AFAP1: variants seen among roughly 807,000 people sequenced by gnomAD.
The protein encoded by AFAP1 is actin filament associated protein 1, also known as actin filament-associated protein 1.
AFAP1 carries 75 observed loss-of-function variants against 93.9 expected under a neutral mutation model. That is an observed-to-expected ratio of 0.80 (90% CI 0.66 to 0.97). The LOEUF (loss-of-function observed/expected upper bound fraction) is 0.97. Ranked by LOEUF, AFAP1 falls within the 50% of genes least tolerant of loss-of-function variation. The pLI is 0.00. For missense variants in AFAP1, 1,201 were observed against 1,050.8 expected (o/e 1.14, Z -1.98); for synonymous variants, 517 against 430.7 (o/e 1.20, Z -2.48).
At position 7,860,427 on chromosome 4, in the gene AFAP1, T is replaced by A. The variant is rs1002853177; in HGVS notation, c.226-4853A>T. 3.4e-4 allele frequency among the ~76,000 whole-genome samples: 52 copies of A among 152,324 alleles called. 1 individual carries two copies. The highest frequency in any genetic ancestry group is 1.2e-3 in the African/African-American group (51 of 41,576). On this transcript the variant is annotated intron_variant, in intron 3 of 17. Coordinates refer to ENST00000420658, the MANE Select transcript of AFAP1 (RefSeq NM_001134647.2). ...CATGATGCTCAAAGGACATGTTCAT[T>A]GGACCATTTCCAATTTCCAGATTCA...
intron 6 of AFAP1, among the ~76,000 whole-genome samples, chr4:7,828,963 G>A (rs978045404): frequency 6.6e-6 from 1 of 152,200 alleles, no homozygotes; most frequent in Non-Finnish European, 1.5e-5. Context: ...GGAGGTAATT[G>A]AATCATGGGG....
At position 7,869,141 on chromosome 4, in the gene AFAP1, AAG is replaced by A. The variant is rs779616005; in HGVS notation, c.128-424_128-423del. 2.8e-4 allele frequency among the ~76,000 whole-genome samples: 42 copies of A among 152,024 alleles called. No individual in the cohort carries two copies. The East Asian group carries it at 5.2e-3, about 19-fold the overall frequency. ...GGAAAGAAAAGAGAAAAAAGAATAAAAGAGAAAGGGAAAGGGAAAGGGAAAAG... is the reference window on the plus strand; with the variant it reads ...GGAAAGAAAAGAGAAAAAAGAATAAAAGAAAGGGAAAGGGAAAGGGAAAAG... On this transcript the variant is annotated intron_variant, in intron 2 of 17. Transcript: ENST00000420658.
rs989343691 is a variant in AFAP1, at chr4:7,815,928, G to A, written c.904+90C>T. 41 of 1,177,686 alleles carry A rather than the reference G, an allele frequency of 3.5e-5. 1 individual carries two copies. The highest frequency in any genetic ancestry group is 2.1e-4 in the East Asian group (9 of 41,894). The allele number at this position is 1,177,686 out of a possible 1,614,324, so 73.0% of individuals were successfully genotyped here. ...ATCTGAATCACCCAGGACATTTTTC[G>A]TACAATCAGACTTTACAAACCTGGC... On this transcript the variant is annotated intron_variant, in intron 8 of 17. Transcript: ENST00000420658.
At chr4:7,889,137 A>G (rs575548681) in intron 1 of AFAP1, among the ~76,000 whole-genome samples, 1 of 152,322 alleles carries the variant, frequency 6.6e-6, no homozygotes, top group African/African-American at 2.4e-5. Flanking sequence ...TCCAAAAAGG[A>G]TAACACATTA....
intron 3 of AFAP1, among the ~76,000 whole-genome samples, chr4:7,866,393 G>A (rs1343969627): frequency 2.6e-5 from 4 of 151,824 alleles, no homozygotes; most frequent in South Asian, 2.1e-4. Flanking sequence ...ATGGGGTTTC[G>A]CTATGTTGCC....
intron 9 of AFAP1, among the ~76,000 whole-genome samples, chr4:7,801,290 T>A (rs1577226514): frequency 6.6e-6 from 1 of 152,056 alleles, no homozygotes; most frequent in Non-Finnish European, 1.5e-5. Flanking sequence ...AAGCGACGGG[T>A]GAAGCTGCCC....
At chr4:7,904,615 T>G (rs533673999) in intron 1 of AFAP1, among the ~76,000 whole-genome samples, 78 of 152,324 alleles carry the variant, frequency 5.1e-4, no homozygotes, top group African/African-American at 1.8e-3. Context: ...AAAGATTAAG[T>G]AAGTTGTCCA....
intron 1 of AFAP1, among the ~76,000 whole-genome samples, chr4:7,909,067 G>A (rs113310237): frequency 0.044 from 6,707 of 152,204 alleles, 258 homozygotes; most frequent in African/African-American, 0.099. Context: ...GTAGTCTTTG[G>A]TTCGAGGGGT....
intron 1 of AFAP1, among the ~76,000 whole-genome samples, chr4:7,932,176 A>G (rs1205352420): frequency 6.6e-6 from 1 of 152,080 alleles, no homozygotes; most frequent in South Asian, 2.1e-4. Flanking sequence ...GGTTTCTTAA[A>G]GGAAATGTAT....
chr4:7,777,897 G>A (rs1716313338), intron 14 of AFAP1: 2 of 152,218 alleles, frequency 1.3e-5, no homozygotes, highest in Non-Finnish European at 2.9e-5. Context: ...AATGCTGCCT[G>A]GCTGGCTCCC....
intron 1 of AFAP1, among the ~76,000 whole-genome samples, chr4:7,881,581 G>T (rs189786261): frequency 6.6e-6 from 1 of 152,044 alleles, no homozygotes; most frequent in African/African-American, 2.4e-5. Context: ...TCAGGAGTTC[G>T]AGATTAGCCT....
At chr4:7,888,225 T>C (rs1438714699) in intron 1 of AFAP1, among the ~76,000 whole-genome samples, 1 of 152,224 alleles carries the variant, frequency 6.6e-6, no homozygotes, top group African/African-American at 2.4e-5. Flanking sequence ...AACAAGTTAT[T>C]TAATCTACAG....
At chr4:7,916,437 T>C (rs972687859) in intron 1 of AFAP1, among the ~76,000 whole-genome samples, 8 of 152,174 alleles carry the variant, frequency 5.3e-5, no homozygotes, top group Non-Finnish European at 8.8e-5. Flanking sequence ...CTCAAAAAGC[T>C]TCCAGCCCCT....
chr4:7,905,821 C>T (rs1313024222), intron 1 of AFAP1, among the ~76,000 whole-genome samples: 4 of 152,306 alleles, frequency 2.6e-5, no homozygotes, highest in South Asian at 2.1e-4. Context: ...ATCCATACCC[C>T]GTCCCATTTC....
At chr4:7,766,484 G>A (rs546500886) in intron 17 of AFAP1, among the ~76,000 whole-genome samples, 2 of 152,328 alleles carry the variant, frequency 1.3e-5, no homozygotes, top group Admixed American at 6.5e-5. Flanking sequence ...CACAGAATAA[G>A]CGACAGGATG....
At chr4:7,804,990 C>T (rs1719378026) in intron 9 of AFAP1, among the ~76,000 whole-genome samples, 1 of 152,158 alleles carries the variant, frequency 6.6e-6, no homozygotes, top group African/African-American at 2.4e-5. Context: ...AGGCCAGGGG[C>T]AGAGGAGCTG....
intron 6 of AFAP1, among the ~76,000 whole-genome samples, chr4:7,828,969 T>C (rs1165708279): frequency 2.0e-5 from 3 of 152,192 alleles, no homozygotes; most frequent in Non-Finnish European, 4.4e-5. Context: ...AATTGAATCA[T>C]GGGGGCGGTT....
At chr4:7,768,709 CA>C in intron 17 of AFAP1, 134 bp downstream of exon 17, 1 of 1,130,992 alleles carries the variant, frequency 8.8e-7, no homozygotes, top group Non-Finnish European at 1.2e-6. Flanking sequence ...CACCCATTCC[CA>C]GATGTCTACT....
Position 7,912,451 on chromosome 4 carries a change from C to A in AFAP1, c.-3+27205G>T, listed in dbSNP as rs1577354068. Among the ~76,000 whole-genome samples, 4 of 152,358 alleles carry A rather than the reference C, an allele frequency of 2.6e-5. No homozygotes were observed. In the East Asian group the frequency reaches 5.8e-4, roughly 22 times the overall value. ...GTGAGTGATTCCGTTTCCCTGCATC[C>A]TCACCAGCATTTGGTTTTGTTATTA... On this transcript the variant is annotated intron_variant, in intron 1 of 17. Coordinates refer to ENST00000420658, the MANE Select transcript of AFAP1 (RefSeq NM_001134647.2).
Sources: gnomAD v4.1 joint callset for allele counts (sites outside exome capture counted in the v4.1 genomes callset) on GRCh38, gnomAD v4.1.1 for gene constraint, MANE v1.5 for transcripts, NCBI Gene and HGNC (gene_info 2026-07-23, HGNC 2026-07-21) for gene names.